ATP8A2: variants seen among roughly 807,000 people sequenced by gnomAD.
ATP8A2 encodes the protein ATPase phospholipid transporting 8A2, also known as phospholipid-transporting ATPase IB.
In ATP8A2, 100 loss-of-function variants were observed where a neutral mutation model predicts 165.6. The ratio of observed to expected loss-of-function variants is 0.60; its 90% CI spans 0.51 to 0.71. The LOEUF (loss-of-function observed/expected upper bound fraction) is 0.71. Ranked by LOEUF, ATP8A2 falls within the 30% of genes least tolerant of loss-of-function variation. The pLI, the probability that ATP8A2 is intolerant of heterozygous loss-of-function variation, is 0.00. For missense variants in ATP8A2, 1,227 were observed against 1,479.5 expected (o/e 0.83, Z 2.80); for synonymous variants, 543 against 548.8 (o/e 0.99, Z 0.15).
At chr13:25,778,070 A>G (rs1205923907) in intron 27 of ATP8A2, among the ~76,000 whole-genome samples, 2 of 152,166 alleles carry the variant, frequency 1.3e-5, no homozygotes, top group Non-Finnish European at 2.9e-5. Context: ...CCCAGTTACT[A>G]TGTATAGACC....
intron 1 of ATP8A2, among the ~76,000 whole-genome samples, chr13:25,399,438 G>GCC (rs2033549253): frequency 9.3e-6 from 1 of 107,866 alleles, no homozygotes; most frequent in Non-Finnish European, 1.7e-5. Flanking sequence ...TCGCTCTGTC[G>GCC]CCCAGGCTGG....
intron 1 of ATP8A2, among the ~76,000 whole-genome samples, chr13:25,465,731 C>CT (rs1566153512): frequency 5.9e-5 from 4 of 68,156 alleles, no homozygotes; most frequent in Admixed American, 3.7e-4. Flanking sequence ...TTCTTTCTTT[C>CT]TTTCTTTCCC....
intron 25 of ATP8A2, chr13:25,705,217 G>A (rs2137948030): frequency 2.4e-6 from 1 of 421,124 alleles, no homozygotes; most frequent in Admixed American, 2.9e-5. Context: ...TACCAGGGGA[G>A]AGGACTTTGA....
At chr13:25,611,989 G>A (rs1033851034) in intron 24 of ATP8A2, among the ~76,000 whole-genome samples, 10 of 151,814 alleles carry the variant, frequency 6.6e-5, no homozygotes, top group Non-Finnish European at 8.8e-5. Flanking sequence ...AATAACTCCC[G>A]TTTCATTTCT....
intron 25 of ATP8A2, among the ~76,000 whole-genome samples, chr13:25,744,925 TTTTTC>T (rs376668495): frequency 3.2e-4 from 49 of 151,654 alleles, no homozygotes; most frequent in South Asian, 1.9e-3. Flanking sequence ...AGGGGCCCAG[TTTTTC>T]TTTTCTTTTC....
intron 2 of ATP8A2, among the ~76,000 whole-genome samples, chr13:25,482,406 G>A (rs2036232137): frequency 6.6e-6 from 1 of 152,156 alleles, no homozygotes; most frequent in Non-Finnish European, 1.5e-5. Context: ...AAAGTAGAAG[G>A]ACGGGGCAAA....
At chr13:25,559,899 C>G in intron 15 of ATP8A2, 134 bp downstream of exon 15, 1 of 652,958 alleles carries the variant, frequency 1.5e-6, no homozygotes, top group Non-Finnish European at 2.6e-6. Flanking sequence ...ACTGTCATAG[C>G]TCACTGTAGT....
chr13:25,868,348 C>G (rs1952575140), intron 33 of ATP8A2, among the ~76,000 whole-genome samples: 1 of 152,174 alleles, frequency 6.6e-6, no homozygotes, highest in Non-Finnish European at 1.5e-5. Flanking sequence ...TGAATAGACT[C>G]GGTCCAGTTT....
chr13:25,696,570 T>C (rs1199123553), intron 24 of ATP8A2, among the ~76,000 whole-genome samples: 1 of 152,228 alleles, frequency 6.6e-6, no homozygotes, highest in African/African-American at 2.4e-5. Flanking sequence ...GGCACTTTTA[T>C]GTTATGGAGA....
chr13:25,825,529 A>G (rs1951292931), intron 27 of ATP8A2, among the ~76,000 whole-genome samples: 1 of 152,078 alleles, frequency 6.6e-6, no homozygotes, highest in African/African-American at 2.4e-5. Context: ...GGATTTTGCA[A>G]TAAAATAAAA....
Position 25,895,831 on chromosome 13 carries a change from A to G in ATP8A2, c.3183+33423A>G, listed in dbSNP as rs190399871. 2.5e-4 allele frequency among the ~76,000 whole-genome samples: 38 copies of G among 152,256 alleles called. 1 individual carries two copies. Among genetic ancestry groups the G allele is most frequent in the Admixed American group, 1.8e-3 (27 of 15,284 alleles). On this transcript the variant is annotated intron_variant, in intron 33 of 36. Transcript: ENST00000381655. Reference sequence around the variant, plus strand: ...CTAGTTTATTTGCATAGAGGTGTTTATAGTATTCTCTGATGGTAGTTTGTA... The same window carrying G: ...CTAGTTTATTTGCATAGAGGTGTTTGTAGTATTCTCTGATGGTAGTTTGTA...
chr13:25,708,520 C>G (rs1178434646), intron 25 of ATP8A2, among the ~76,000 whole-genome samples: 1 of 152,194 alleles, frequency 6.6e-6, no homozygotes, highest in East Asian at 1.9e-4. Flanking sequence ...TTTCCCTCAT[C>G]TGTCACCTCC....
intron 27 of ATP8A2, among the ~76,000 whole-genome samples, chr13:25,799,931 T>C (rs1377510533): frequency 6.6e-6 from 1 of 152,230 alleles, no homozygotes; most frequent in African/African-American, 2.4e-5. Flanking sequence ...GCATATTTCC[T>C]AAAGGAGGTT....
chr13:25,743,749 T>G (rs1295391693), intron 25 of ATP8A2, among the ~76,000 whole-genome samples: 2 of 152,214 alleles, frequency 1.3e-5, no homozygotes, highest in Non-Finnish European at 2.9e-5. Context: ...TTTCAACAAG[T>G]TGATCAGTTT....
intron 30 of ATP8A2, among the ~76,000 whole-genome samples, chr13:25,842,326 AT>A (rs1951762252): frequency 6.6e-6 from 1 of 152,176 alleles, no homozygotes; most frequent in Admixed American, 6.5e-5. Context: ...AGATGGGGAA[AT>A]TTAGGAAGGC....
At chr13:25,868,937 C>T (rs1244296250) in intron 33 of ATP8A2, among the ~76,000 whole-genome samples, 1 of 152,040 alleles carries the variant, frequency 6.6e-6, no homozygotes, top group Admixed American at 6.5e-5. Context: ...GGCATGGTGG[C>T]GGGCGCCTGT....
chr13:25,678,604 T>C (rs1241919298), intron 24 of ATP8A2, among the ~76,000 whole-genome samples: 1 of 152,098 alleles, frequency 6.6e-6, no homozygotes, highest in African/African-American at 2.4e-5. Context: ...GCAACACAGC[T>C]CCTGGGTGGC....
chr13:25,994,232 A>G (rs1956448775), intron 35 of ATP8A2, among the ~76,000 whole-genome samples: 1 of 151,996 alleles, frequency 6.6e-6, no homozygotes, highest in South Asian at 2.1e-4. Context: ...GGAGTTTTAT[A>G]TCTATACATA....
chr13:25,930,123 C>T (rs1032224777), intron 33 of ATP8A2, among the ~76,000 whole-genome samples: 6 of 152,196 alleles, frequency 3.9e-5, no homozygotes, highest in South Asian at 2.1e-4. Flanking sequence ...GCCAGTCTGC[C>T]CCTTAGCCTG....
Sources: gnomAD v4.1 joint callset for allele counts (sites outside exome capture counted in the v4.1 genomes callset) on GRCh38, gnomAD v4.1.1 for gene constraint, MANE v1.5 for transcripts, NCBI Gene and HGNC (gene_info 2026-07-23, HGNC 2026-07-21) for gene names.